Variants in NCOA2 observed in about 807,000 individuals in gnomAD.
NCOA2 encodes nuclear receptor coactivator 2.
A neutral mutation model predicts 145.1 loss-of-function variants in NCOA2; 21 were observed. The observed-to-expected ratio is 0.14, with a 90% CI of 0.10 to 0.21. The LOEUF is 0.21. Ranked by LOEUF, NCOA2 falls within the 10% of genes least tolerant of loss-of-function variation. The pLI is 1.00. For synonymous variants in NCOA2, 619 were observed against 637.5 expected (o/e 0.97, Z 0.44); for missense variants, 1,472 against 1,837.6 (o/e 0.80, Z 3.64).
intron 3 of NCOA2, 132 bp downstream of exon 3, chr8:70,216,528 G>A: frequency 1.4e-6 from 1 of 701,872 alleles, no homozygotes; most frequent in East Asian, 2.6e-5. Flanking sequence ...TACATATTCA[G>A]AGATTTAACT....
the NCOA2 span, among the ~76,000 whole-genome samples, chr8:70,441,532 GGAAA>G: frequency 3.7e-4 from 53 of 142,530 alleles, 1 homozygote; most frequent in Admixed American, 1.4e-3. Context: ...AGAGAAGAAA[GGAAA>G]GAAAGAGAGA....
chr8:70,273,312 C>T (rs1057327473), intron 2 of NCOA2: 2 of 280,758 alleles, frequency 7.1e-6, no homozygotes, highest in Non-Finnish European at 1.4e-5. Context: ...CAGCTGGTTC[C>T]CCCGAGACCC....
chr8:70,255,448 T>C lies in NCOA2; in HGVS notation c.-19-38684A>G, dbSNP rs746200276. Among the ~76,000 whole-genome samples the C allele has an allele frequency of 2.0e-5, 3 of 152,334 alleles. No homozygotes were observed. In the South Asian group the frequency reaches 6.2e-4, roughly 32 times the overall value. ...TTAAGCAAGCCATGAAAAGCATACA[T>C]AGGTAATTCTATATAACCCAAGCTA... On this transcript the variant is annotated intron_variant, in intron 2 of 22. Coordinates refer to ENST00000452400, the MANE Select transcript of NCOA2 (RefSeq NM_006540.4).
chr8:70,161,400 A>G (rs546092225), intron 9 of NCOA2, among the ~76,000 whole-genome samples: 130 of 152,332 alleles, frequency 8.5e-4, no homozygotes, highest in Admixed American at 3.5e-3. Flanking sequence ...ATTTCTGTCA[A>G]TGTAGCATCA....
At chr8:70,427,032 A>G in the NCOA2 span, among the ~76,000 whole-genome samples, 43 of 152,240 alleles carry the variant, frequency 2.8e-4, 1 homozygote, top group African/African-American at 9.9e-4. Flanking sequence ...TGATCCTCCA[A>G]CCTCAGCCTC....
intron 1 of NCOA2, among the ~76,000 whole-genome samples, chr8:70,376,222 C>G (rs1244167067): frequency 6.6e-6 from 1 of 152,154 alleles, no homozygotes; most frequent in East Asian, 1.9e-4. Flanking sequence ...TTATCACTTC[C>G]TATTTTAGGA....
intron 4 of NCOA2, among the ~76,000 whole-genome samples, chr8:70,212,671 C>T (rs1819162895): frequency 6.6e-6 from 1 of 152,138 alleles, no homozygotes; most frequent in Non-Finnish European, 1.5e-5. Context: ...TAAGAGCAGA[C>T]AGTTTCAGGC....
intron 22 of NCOA2, among the ~76,000 whole-genome samples, chr8:70,120,275 A>G (rs999874319): frequency 7.2e-5 from 11 of 152,350 alleles, no homozygotes; most frequent in African/African-American, 2.2e-4. Flanking sequence ...CTTACCTTAA[A>G]GGGCCACATA....
intron 1 of NCOA2, among the ~76,000 whole-genome samples, chr8:70,329,240 C>T (rs1228398237): frequency 1.3e-5 from 2 of 152,098 alleles, no homozygotes. Context: ...CCTCAGCCTC[C>T]TAAGTAGTTG....
chr8:70,138,697 T>G (rs1314315593), intron 14 of NCOA2, among the ~76,000 whole-genome samples: 2 of 152,250 alleles, frequency 1.3e-5, no homozygotes, highest in Non-Finnish European at 2.9e-5. Context: ...GAATTATATG[T>G]TAAAAGATTT....
rs533200285 is a variant in NCOA2, at chr8:70,323,614, A to AG, written c.-76-26815dup. On this transcript the variant is annotated intron_variant, in intron 1 of 22. Coordinates refer to ENST00000452400, the MANE Select transcript of NCOA2 (RefSeq NM_006540.4). ...CATTAAGTCCTTTGCTAATTATTGAAGGGGGGGAGATTATTGCCTGGGGAT... is the reference window on the plus strand; with the variant it reads ...CATTAAGTCCTTTGCTAATTATTGAAGGGGGGGGAGATTATTGCCTGGGGAT... 5.3e-5 allele frequency among the ~76,000 whole-genome samples: 8 copies of AG among 152,188 alleles called. No homozygotes were observed. In the East Asian group the frequency reaches 9.6e-4, roughly 18 times the overall value.
chr8:70,325,473 G>C (rs1806471244), intron 1 of NCOA2, among the ~76,000 whole-genome samples: 1 of 151,754 alleles, frequency 6.6e-6, no homozygotes, highest in Non-Finnish European at 1.5e-5. Context: ...GCCCAGGCTG[G>C]AGTACAGTGG....
At chr8:70,296,660 A>T (rs941506982) in intron 2 of NCOA2, 84 bp downstream of exon 2, 2 of 152,184 alleles carry the variant, frequency 1.3e-5, no homozygotes, top group Admixed American at 6.5e-5. Flanking sequence ...TCTTATTTAC[A>T]TATTTTCCTA....
intron 1 of NCOA2, among the ~76,000 whole-genome samples, chr8:70,303,506 TA>T (rs1324358916): frequency 6.6e-6 from 1 of 152,140 alleles, no homozygotes; most frequent in Non-Finnish European, 1.5e-5. Flanking sequence ...AATGGAGAGA[TA>T]AAGATATAAA....
At chr8:70,215,161 C>T (rs1224256565) in intron 3 of NCOA2, among the ~76,000 whole-genome samples, 12 of 152,076 alleles carry the variant, frequency 7.9e-5, no homozygotes, top group Non-Finnish European at 1.5e-5. Context: ...TCTGTTTTTA[C>T]AGCAAAAGGT....
chr8:70,333,316 G>T (rs1439795070), intron 1 of NCOA2, among the ~76,000 whole-genome samples: 1 of 152,136 alleles, frequency 6.6e-6, no homozygotes, highest in Non-Finnish European at 1.5e-5. Flanking sequence ...GTACCTTGGG[G>T]TGCCAATGCT....
chr8:70,138,111 G>T, intron 15 of NCOA2, 92 bp downstream of exon 15: 1 of 1,381,092 alleles, frequency 7.2e-7, no homozygotes, highest in South Asian at 1.4e-5. Context: ...ACCAATAAAT[G>T]AAAACTGGTC....
chr8:70,146,693 G>C (rs1360847285), intron 12 of NCOA2, among the ~76,000 whole-genome samples: 1 of 151,922 alleles, frequency 6.6e-6, no homozygotes, highest in Admixed American at 6.6e-5. Flanking sequence ...GGACTGTCTA[G>C]TGTGTCTGTT....
intron 1 of NCOA2, among the ~76,000 whole-genome samples, chr8:70,302,847 C>G (rs966391235): frequency 6.6e-6 from 1 of 152,112 alleles, no homozygotes; most frequent in African/African-American, 2.4e-5. Context: ...ATAATTATAA[C>G]AGATATATAG....
Sources: allele counts gnomAD v4.1 joint callset (sites outside exome capture counted in the v4.1 genomes callset), GRCh38; gene constraint gnomAD v4.1.1; transcripts MANE v1.5; gene names NCBI Gene and HGNC (gene_info 2026-07-23, HGNC 2026-07-21).